CST3: variants seen among roughly 807,000 people sequenced by gnomAD.
The protein encoded by CST3 is cystatin C, also known as cystatin-C.
In CST3, 14 loss-of-function variants were observed where a neutral mutation model predicts 9.0. The observed-to-expected ratio is 1.56, with a 90% CI of 1.03 to 2.44. The LOEUF is 2.44. Among genes scored for constraint, CST3 ranks in the 30% most tolerant of loss-of-function variants. The probability of loss-of-function intolerance (pLI) is 0.00; values close to 1 mark genes in which losing one functional copy is unlikely to be tolerated. For missense variants in CST3, 237 were observed against 204.3 expected, an observed-to-expected ratio of 1.16 and a Z score of -0.98; for synonymous variants, 96 against 90.2, an observed-to-expected ratio of 1.06 and a Z score of -0.37.
exon 4 of CST3, chr20:23,628,390 T>C (rs888669687): frequency 1.3e-5 from 2 of 152,246 alleles, no homozygotes; most frequent in African/African-American, 2.4e-5. Flanking sequence ...GGCCAGCCTC[T>C]ATTTTTCAGT....
chr20:23,631,913 C>T (rs1185476574), downstream of CST3: 1 of 152,216 alleles, frequency 6.6e-6, no homozygotes, highest in Non-Finnish European at 1.5e-5. Context: ...CTTAAATCAA[C>T]ATTTAAAATA....
intron 2 of CST3, among the ~76,000 whole-genome samples, chr20:23,635,034 A>G (rs1979605439): frequency 6.6e-6 from 1 of 151,804 alleles, no homozygotes; most frequent in Non-Finnish European, 1.5e-5. Flanking sequence ...CCATGCATAA[A>G]CCCCCACACT....
chr20:23,637,720 C>G lies in CST3; in HGVS notation c.143G>C (p.Gly48Ala). 1 of 1,543,698 alleles carries G rather than the reference C, an allele frequency of 6.5e-7. No homozygotes were observed. Among genetic ancestry groups the G allele is most frequent in the African/African-American group, 1.4e-5 (1 of 71,324 alleles). Residue 48 changes from glycine to alanine, a missense_variant, in exon 1 of 3, where the codon GGT becomes GCT. Coordinates refer to ENST00000376925, the MANE Select transcript of CST3 (RefSeq NM_000099.4). ...GPMDASVEEE[G>A]VRRALDFAVG... is the part of the protein sequence containing the mutation. ...GGCAAAGTCCAGTGCACGCCGCACA[C>G]CCTCCTCCTCCACGCTGGCGTCCAT...
downstream of CST3, chr20:23,633,635 G>C: frequency 1.7e-6 from 1 of 579,524 alleles, no homozygotes; most frequent in Middle Eastern, 4.7e-4. Flanking sequence ...CACATCCCCA[G>C]ACAGCCAAGA....
rs1311177926 is a variant in CST3 at position 23,633,900 on chromosome 20, A to G, written c.*16T>C. 6.2e-7 allele frequency: 1 copy of G among 1,611,314 alleles called. No individual in the cohort carries two copies. The highest frequency in any genetic ancestry group is 2.2e-5 in the East Asian group (1 of 44,884). ...GCATAAGAGGTGATAGGCACAGGCC[A>G]GCCCGGTACAGACCCCTAGGCGTCC... On this transcript the variant is annotated 3_prime_UTR_variant, in exon 3 of 3. Transcript: ENST00000376925.
downstream of CST3, among the ~76,000 whole-genome samples, chr20:23,632,702 G>A (rs554480291): frequency 8.5e-5 from 13 of 152,308 alleles, no homozygotes; most frequent in South Asian, 2.5e-3. Flanking sequence ...GTGCAGCTCC[G>A]AGGTTGGAAG....
chr20:23,628,718 GCTCT>G (rs1041400744), downstream of CST3: 6 of 152,208 alleles, frequency 3.9e-5, no homozygotes, highest in Non-Finnish European at 8.8e-5. Flanking sequence ...CCTGCTCCTT[GCTCT>G]CTGTTTCTCT....
chr20:23,635,180 C>T, intron 2 of CST3, 74 bp downstream of exon 2: 1 of 1,127,340 alleles, frequency 8.9e-7, no homozygotes, highest in South Asian at 1.3e-5. Flanking sequence ...AGAACATGTG[C>T]ATCACACACA....
intron 1 of CST3, among the ~76,000 whole-genome samples, chr20:23,636,764 T>C (rs1315599162): frequency 6.6e-6 from 1 of 152,180 alleles, no homozygotes; most frequent in East Asian, 1.9e-4. Flanking sequence ...CAGCTGCTGC[T>C]GCAGGTTAAA....
In CST3 at chr20:23,633,684, G is replaced by A; in HGVS notation, c.*232C>T. 1.6e-6 allele frequency: 1 copy of A among 624,736 alleles called. No homozygotes were observed. The highest frequency in any genetic ancestry group is 1.8e-5 in the African/African-American group (1 of 55,154). 38.7% of individuals were successfully genotyped at this position (624,736 alleles called of 1,614,324 possible). A position where few individuals can be genotyped will look rare whatever the true frequency, so the allele number is the denominator to read the frequency against. ...CGATGCTACTATTTTATTGCAGGAG[G>A]TGGGGGTGTATGCACCGCACACCGG... On this transcript the variant is annotated 3_prime_UTR_variant, in exon 3 of 3. Transcript: ENST00000376925.
chr20:23,627,664 G>A (rs1979301493), exon 4 of CST3: 1 of 152,168 alleles, frequency 6.6e-6, no homozygotes, highest in Non-Finnish European at 1.5e-5. Flanking sequence ...CACCAGCTAT[G>A]TATAAAGATT....
At chr20:23,637,213 A>T (rs1168214652) in intron 1 of CST3, among the ~76,000 whole-genome samples, 1 of 152,242 alleles carries the variant, frequency 6.6e-6, no homozygotes, top group Non-Finnish European at 1.5e-5. Flanking sequence ...CTTAAAAATT[A>T]TTTGGTGGAA....
chr20:23,636,742 G>A (rs1027836303), intron 1 of CST3, among the ~76,000 whole-genome samples: 3 of 152,220 alleles, frequency 2.0e-5, no homozygotes, highest in East Asian at 1.9e-4. Flanking sequence ...TGGCACGGTC[G>A]TGGCACAGAC....
chr20:23,629,933 G>T (rs149577036), downstream of CST3, among the ~76,000 whole-genome samples: 2 of 152,192 alleles, frequency 1.3e-5, no homozygotes, highest in Admixed American at 6.5e-5. Context: ...AGGAATTTCC[G>T]TTTGCTTTTG....
exon 4 of CST3, chr20:23,628,555 G>A (rs1940848218): frequency 6.6e-6 from 1 of 152,204 alleles, no homozygotes. Context: ...AGAACCGACT[G>A]ATGAGTTATT....
In CST3 at chr20:23,637,943, G is replaced by T; in HGVS notation, c.-81C>A. The T allele has an allele frequency of 1.5e-6, 2 of 1,314,058 alleles. No individual in the cohort carries two copies. Among genetic ancestry groups the T allele is most frequent in the Non-Finnish European group, 1.9e-6 (2 of 1,038,328 alleles). 81.4% of individuals were successfully genotyped at this position (1,314,058 alleles called of 1,614,324 possible). On this transcript the variant is annotated 5_prime_UTR_variant, in exon 1 of 3. Transcript: ENST00000376925. ...GATAGAGAGGACCCGCTGCGATACC[G>T]AGGCGAGGCCGTGAGCCCCGCGAGG...
intron 1 of CST3, among the ~76,000 whole-genome samples, chr20:23,636,817 G>T (rs1979696142): frequency 6.6e-6 from 1 of 152,230 alleles, no homozygotes; most frequent in Non-Finnish European, 1.5e-5. Flanking sequence ...ATGCACTCAT[G>T]GCCCAGGAGC....
intron 1 of CST3, 122 bp from the exon 2 acceptor site, chr20:23,635,489 C>G (rs781769955): frequency 2.4e-6 from 2 of 837,300 alleles, no homozygotes; most frequent in African/African-American, 1.7e-5. Flanking sequence ...CCTTCATGAG[C>G]TGCCCACATT....
chr20:23,634,587 G>T (rs1475051459), intron 2 of CST3, among the ~76,000 whole-genome samples: 1 of 152,032 alleles, frequency 6.6e-6, no homozygotes, highest in African/African-American at 2.4e-5. Flanking sequence ...CAGCATGGCC[G>T]TGGCTGTGGG....
Sources: gnomAD v4.1 joint callset for allele counts (sites outside exome capture counted in the v4.1 genomes callset) on GRCh38, gnomAD v4.1.1 for gene constraint, MANE v1.5 for transcripts, NCBI Gene and HGNC (gene_info 2026-07-23, HGNC 2026-07-21) for gene names.